WDR90: variants seen among roughly 807,000 people sequenced by gnomAD.
The protein encoded by WDR90 is WD repeat domain 90.
Under a neutral mutation model 195.2 loss-of-function variants are expected in WDR90, and 238 were observed. The observed-to-expected ratio is 1.22, with a 90% CI of 1.10 to 1.36. The LOEUF is 1.36. Ranked by LOEUF, WDR90 falls within the 40% of genes most tolerant of loss-of-function variation. WDR90 has a pLI of 0.00. For synonymous variants in WDR90, 1,265 were observed against 1,052.4 expected (o/e 1.20, Z -3.91); for missense variants, 2,734 against 2,439.5 (o/e 1.12, Z -2.54).
intron 10 of WDR90, 69 bp downstream of exon 10, chr16:652,604 G>T: frequency 1.4e-6 from 2 of 1,473,408 alleles, no homozygotes; most frequent in Non-Finnish European, 1.8e-6. Context: ...ACAGAACGGG[G>T]AGAGAGGAGA....
In WDR90 at chr16:650,117, C is replaced by T; in HGVS notation, c.229C>T (p.Arg77Trp). 6.2e-7 allele frequency: 1 copy of T among 1,613,084 alleles called. No individual in the cohort carries two copies. Among genetic ancestry groups the T allele is most frequent in the Non-Finnish European group, 8.5e-7 (1 of 1,179,968 alleles). ...GGGACGATACCTGTATGTGCTCTTT[C>T]GGCCCCTGCCCAGCAAGCACTTCGT... ...LTGRYLYVLF[R>W]PLPSKHFVIH... The change falls in exon 3 of 41, where the codon CGG becomes TGG. Residue 77 changes from arginine to tryptophan, a missense_variant. Transcript: ENST00000293879.
rs1468316478 is a variant in WDR90 at position 657,166 on chromosome 16, C to T, written c.2418C>T (p.Gly806=). The T allele has an allele frequency of 1.9e-6, 3 of 1,560,548 alleles. No homozygotes were observed. Among genetic ancestry groups the T allele is most frequent in the African/African-American group, 1.4e-5 (1 of 73,426 alleles). The stretch of plus-strand genomic sequence containing the variant: ...TGCTCTTCAGCTCCTGCTCCCAGGG[C>T]TCCCTGGCCCAGTACAGCTGTGCGG... ...GRLLFSSCSQ[G]SLAQYSCADP... The change falls in exon 20 of 41, where the codon GGC becomes GGT. Residue 806 remains glycine, a synonymous_variant. Transcript: ENST00000293879.
chr16:663,360 C>G, intron 34 of WDR90: 1 of 289,504 alleles, frequency 3.5e-6, no homozygotes, highest in Non-Finnish European at 6.8e-6. Flanking sequence ...ATCGCTTGAA[C>G]CCAGGAGGCA....
intron 14 of WDR90, 69 bp from the exon 15 acceptor site, chr16:655,238 C>T (rs758441438): frequency 9.3e-6 from 15 of 1,611,528 alleles, no homozygotes; most frequent in Admixed American, 1.7e-5. Flanking sequence ...CTTGGCTGTG[C>T]GTCTCTGCGT....
Position 651,120 on chromosome 16 carries a change from C to CT in WDR90, c.668+20dup. The CT allele has an allele frequency of 6.6e-7, 1 of 1,518,218 alleles. No individual in the cohort carries two copies. Among genetic ancestry groups the CT allele is most frequent in the Non-Finnish European group, 9.1e-7 (1 of 1,101,004 alleles). 94.0% of individuals were successfully genotyped at this position (1,518,218 alleles called of 1,614,324 possible). ...CCACGTCCGGTGAGTGGTTCTGCTT[C>CT]TTTCGAGGGAGGCCTCGGTGGTGGG... On this transcript the variant is annotated intron_variant, in intron 6 of 40. Coordinates refer to ENST00000293879, the MANE Select transcript of WDR90 (RefSeq NM_145294.5).
chr16:652,747 C>T (rs2037671702), intron 10 of WDR90, among the ~76,000 whole-genome samples: 1 of 152,210 alleles, frequency 6.6e-6, no homozygotes, highest in Non-Finnish European at 1.5e-5. Flanking sequence ...CCTCCTGGTG[C>T]CCGGGGGCTC....
At position 657,841 on chromosome 16, in the gene WDR90, G is replaced by A. The variant is rs1477906793; in HGVS notation, c.2553G>A (p.Val851=). 6.3e-7 allele frequency: 1 copy of A among 1,586,448 alleles called. No individual in the cohort carries two copies. The stretch of plus-strand genomic sequence containing the variant: ...GGGATGGCCGCCTGCTGGCCTTTGT[G>A]GGACCCTCCAGGTGCACAGTGACAG... ...VSRDGRLLAF[V]GPSRCTVTVM... is the part of the protein sequence containing the mutation. The change falls in exon 21 of 41, where the codon GTG becomes GTA. Residue 851 remains valine, a synonymous_variant. Coordinates refer to ENST00000293879, the MANE Select transcript of WDR90 (RefSeq NM_145294.5).
Position 653,586 on chromosome 16 carries a change from C to T in WDR90, c.1295C>T (p.Pro432Leu), listed in dbSNP as rs1165685862. The change falls in exon 12 of 41, where the codon CCT becomes CTT. Residue 432 changes from proline to leucine, a missense_variant. Transcript: ENST00000293879. ...TTGGCCTCGGCCCAGGCAAGGGCCCCTAGTGTGATGCGGCTCTGGGACTTC... is the reference window on the plus strand; with the variant it reads ...TTGGCCTCGGCCCAGGCAAGGGCCCTTAGTGTGATGCGGCTCTGGGACTTC... ...SLLASAQARA[P>L]SVMRLWDFQT... is the part of the protein sequence containing the mutation. 12 of 1,613,446 alleles carry T rather than the reference C, an allele frequency of 7.4e-6. No homozygotes were observed. Among genetic ancestry groups the T allele is most frequent in the Non-Finnish European group, 1.0e-5 (12 of 1,180,008 alleles).
rs897088220 is a variant in WDR90 at position 666,920 on chromosome 16, C to G, written c.5020C>G (p.Pro1674Ala). 1.2e-6 allele frequency: 2 copies of G among 1,613,040 alleles called. No homozygotes were observed. The highest frequency in any genetic ancestry group is 1.7e-6 in the Non-Finnish European group (2 of 1,179,826). ...LCQKQVVEKI[P>A]LPFFAMSLSL... is the part of the protein sequence containing the mutation. ...CTGCTCACAGGTGGTGGAGAAGATA[C>G]CACTGCCCTTTTTTGCCATGTCCCT... Residue 1674 changes from proline (P) to alanine (A), a missense_variant, in exon 40 of 41, where the codon CCA becomes GCA. Pro to Ala is a conservative substitution (Grantham distance 27, BLOSUM62 -1). Coordinates refer to ENST00000293879, the MANE Select transcript of WDR90 (RefSeq NM_145294.5).
intron 1 of WDR90, 67 bp downstream of exon 1, chr16:649,493 G>A: frequency 2.3e-6 from 3 of 1,280,016 alleles, no homozygotes; most frequent in East Asian, 3.2e-5. Context: ...AGGGTCGGCG[G>A]CCGGAGCGCT....
At chr16:655,235 GTGCGTCTC>G in intron 14 of WDR90, 64 bp from the exon 15 acceptor site, 3 of 1,612,070 alleles carry the variant, frequency 1.9e-6, no homozygotes, top group East Asian at 4.5e-5. Context: ...TGGCTTGGCT[GTGCGTCTC>G]TGCGTCTCCC....
chr16:660,903 G>A, intron 28 of WDR90, 148 bp from the exon 29 acceptor site: 1 of 704,450 alleles, frequency 1.4e-6, no homozygotes, highest in South Asian at 2.5e-5. Context: ...CTGGACGCTG[G>A]GGAGGGCGCA....
rs1182655523 is a variant in WDR90, at chr16:665,297, CACACTCCT to C, written c.4312-381_4312-374del. 7.9e-4 allele frequency: 353 copies of C among 444,640 alleles called. 4 individuals are homozygous for C. The highest frequency in any genetic ancestry group is 7.6e-3 in the African/African-American group (317 of 41,612). 27.5% of individuals were successfully genotyped at this position (444,640 alleles called of 1,614,324 possible). A position where few individuals can be genotyped will look rare whatever the true frequency, so the allele number is the denominator to read the frequency against. On this transcript the variant is annotated intron_variant, in intron 34 of 40. Transcript: ENST00000293879. ...CTGCAGCCTGCTAGGGACGCACGGCCACACTCCTGTCTTTCAGCCTCAGTCTGCAGCCT... is the reference window on the plus strand; with the variant it reads ...CTGCAGCCTGCTAGGGACGCACGGCCGTCTTTCAGCCTCAGTCTGCAGCCT...
Position 655,467 on chromosome 16 carries a change from C to CTG in WDR90, c.1718+2_1718+3dup. ...CTGCCCGGAGCCCTCGGCTGCCATG[C>CTG]TGTGAGTCCCTGCCCTTCCCCACGG... is the stretch of plus-strand genomic sequence containing the variant. On this transcript the variant is annotated frameshift_variant and splice_region_variant, in exon 15 of 41. Coordinates refer to ENST00000293879, the MANE Select transcript of WDR90 (RefSeq NM_145294.5). LOFTEE classifies it high-confidence loss of function. The CTG allele has an allele frequency of 6.5e-7, 1 of 1,532,418 alleles. No homozygotes were observed. Among genetic ancestry groups the CTG allele is most frequent in the Non-Finnish European group, 8.8e-7 (1 of 1,140,534 alleles). The allele number at this position is 1,532,418 out of a possible 1,614,324, so 94.9% of individuals were successfully genotyped here. A position where few individuals can be genotyped will look rare whatever the true frequency, so the allele number is the denominator to read the frequency against.
At position 666,360 on chromosome 16, in the gene WDR90, C is replaced by A; in HGVS notation, c.4740+10C>A. ...TGTCACGTGCAAAGAGGTAAAGCAGCCCCAAGAGCTGGGGAGAGGGGGCCT... is the reference window on the plus strand; with the variant it reads ...TGTCACGTGCAAAGAGGTAAAGCAGACCCAAGAGCTGGGGAGAGGGGGCCT... On this transcript the variant is annotated intron_variant, in intron 37 of 40. Coordinates refer to ENST00000293879, the MANE Select transcript of WDR90 (RefSeq NM_145294.5). 6.2e-7 allele frequency: 1 copy of A among 1,612,474 alleles called. No individual in the cohort carries two copies. Among genetic ancestry groups the A allele is most frequent in the Non-Finnish European group, 8.5e-7 (1 of 1,179,860 alleles).
chr16:655,950 G>A (rs2037743577), intron 17 of WDR90, 61 bp downstream of exon 17: 4 of 1,512,996 alleles, frequency 2.6e-6, no homozygotes, highest in African/African-American at 1.4e-5. Context: ...CTGGGGCGGG[G>A]AAGGCCCAGT....
chr16:662,102 C>G (rs752373613), intron 32 of WDR90, 43 bp downstream of exon 32: 308 of 1,579,702 alleles, frequency 1.9e-4, no homozygotes, highest in Non-Finnish European at 2.6e-4. Flanking sequence ...GGACCCCTAC[C>G]TGGGATCCTC....
chr16:666,640 T>A (rs748171311), intron 38 of WDR90, 33 bp from the exon 39 acceptor site: 5 of 1,611,226 alleles, frequency 3.1e-6, no homozygotes, highest in Non-Finnish European at 4.2e-6. Flanking sequence ...CCGGTACCCA[T>A]CCACCCCACC....
intron 23 of WDR90, 25 bp from the exon 24 acceptor site, chr16:658,871 C>T (rs779733187): frequency 1.9e-6 from 3 of 1,608,918 alleles, no homozygotes; most frequent in South Asian, 2.2e-5. Context: ...CCTCGGGGTC[C>T]TGCATGTGAC....
Sources: allele counts gnomAD v4.1 joint callset (sites outside exome capture counted in the v4.1 genomes callset), GRCh38; gene constraint gnomAD v4.1.1; transcripts MANE v1.5; gene names NCBI Gene and HGNC (gene_info 2026-07-23, HGNC 2026-07-21).